ERC1: variants seen among roughly 807,000 people sequenced by gnomAD.
ERC1 encodes RAB6 interacting protein 2.
A neutral mutation model predicts 132.0 loss-of-function variants in ERC1; 56 were observed. The ratio of observed to expected loss-of-function variants is 0.42; its 90% CI spans 0.34 to 0.53. ERC1 has a LOEUF of 0.53. ERC1 is among the 20% of genes least tolerant of loss of function. The pLI is 0.03. For missense variants in ERC1, 1,202 were observed against 1,349.9 expected (o/e 0.89, Z 1.72); for synonymous variants, 478 against 476.1 (o/e 1.00, Z -0.05).
At chr12:1,420,886 C>CCAGTATTT (rs1482081012) in intron 17 of ERC1, among the ~76,000 whole-genome samples, 1 of 143,848 alleles carries the variant, frequency 7.0e-6, no homozygotes, top group African/African-American at 2.6e-5. Flanking sequence ...TTCCCCAAGC[C>CCAGTATTT]CAGTATTTTT....
intron 7 of ERC1, among the ~76,000 whole-genome samples, chr12:1,119,554 TGTGTGTGTGTGTGTGA>T (rs376357274): frequency 0.21 from 24,061 of 114,312 alleles, 2,866 homozygotes; most frequent in African/African-American, 0.24. Flanking sequence ...TGTGTGTGTG[TGTGTGTGTGTGTGTGA>T]GATGGAGTTT....
chr12:1,211,794 T>C (rs539438150), intron 12 of ERC1, among the ~76,000 whole-genome samples: 1 of 151,682 alleles, frequency 6.6e-6, no homozygotes, highest in South Asian at 2.1e-4. Context: ...GGTCTTAAAC[T>C]CCTGATCTGA....
intron 15 of ERC1, among the ~76,000 whole-genome samples, chr12:1,349,594 G>A (rs562980761): frequency 6.3e-4 from 95 of 151,136 alleles, no homozygotes; most frequent in African/African-American, 2.2e-3. Context: ...AACCCGGGAG[G>A]CAGAGGTTGC....
chr12:1,378,393 A>G (rs10848467), intron 16 of ERC1, among the ~76,000 whole-genome samples: 61,427 of 151,838 alleles, frequency 0.4, 13,630 homozygotes, highest in African/African-American at 0.59. Flanking sequence ...AAGACGTACT[A>G]ATAATCTAAT....
chr12:1,424,245 C>A lies in ERC1; in HGVS notation c.3024+15998C>A, dbSNP rs182807270. ...AATGAGTAGGCAATCTACCTTAAAT[C>A]TTTAGAGAAAAAACTAATGATTGAA... On this transcript the variant is annotated intron_variant, in intron 17 of 18. Coordinates refer to ENST00000360905, the MANE Select transcript of ERC1 (RefSeq NM_178040.4). 1.1e-4 allele frequency among the ~76,000 whole-genome samples: 17 copies of A among 152,158 alleles called. 1 individual carries two copies. Among genetic ancestry groups the A allele is most frequent in the Non-Finnish European group, 2.4e-4 (16 of 67,994 alleles).
intron 8 of ERC1, among the ~76,000 whole-genome samples, chr12:1,142,089 T>A (rs180895460): frequency 3.3e-5 from 5 of 152,332 alleles, no homozygotes; most frequent in African/African-American, 1.2e-4. Context: ...CTGTCTTTTA[T>A]TGAAACTGTA....
intron 15 of ERC1, among the ~76,000 whole-genome samples, chr12:1,318,368 C>A (rs2081907183): frequency 1.3e-5 from 2 of 152,132 alleles, no homozygotes; most frequent in Non-Finnish European, 2.9e-5. Context: ...AAAGCTCATA[C>A]AAAATTTTGT....
chr12:1,101,330 A>G (rs1043156324), intron 3 of ERC1, among the ~76,000 whole-genome samples: 7 of 152,062 alleles, frequency 4.6e-5, no homozygotes, highest in African/African-American at 1.7e-4. Flanking sequence ...AATCAATCAC[A>G]CTTCTATATT....
chr12:1,051,545 A>ACC (rs1346937834), intron 2 of ERC1, among the ~76,000 whole-genome samples: 1 of 124,670 alleles, frequency 8.0e-6, no homozygotes, highest in Non-Finnish European at 1.7e-5. Flanking sequence ...AAAAAAAAAA[A>ACC]AAAAAAAAAG....
At chr12:1,424,793 T>TGATA (rs139054161) in intron 17 of ERC1, among the ~76,000 whole-genome samples, 2,873 of 110,170 alleles carry the variant, frequency 0.026, 121 homozygotes, top group Non-Finnish European at 0.032. Context: ...GAGCTTGAGA[T>TGATA]GATAGATAGA....
chr12:1,376,988 T>G (rs2088009820), intron 16 of ERC1, among the ~76,000 whole-genome samples: 1 of 152,178 alleles, frequency 6.6e-6, no homozygotes, highest in Non-Finnish European at 1.5e-5. Context: ...ATCCCGTTGG[T>G]CTTGAGAATG....
At chr12:1,448,654 T>A (rs778673486) in intron 18 of ERC1, among the ~76,000 whole-genome samples, 1 of 152,198 alleles carries the variant, frequency 6.6e-6, no homozygotes, top group Non-Finnish European at 1.5e-5. Flanking sequence ...TCACCTCATA[T>A]CTCCAATGCA....
intron 8 of ERC1, among the ~76,000 whole-genome samples, chr12:1,177,813 TA>T (rs1371867853): frequency 6.6e-6 from 1 of 152,288 alleles, no homozygotes; most frequent in South Asian, 2.1e-4. Flanking sequence ...CTTCAGTTAG[TA>T]AAAAACCCGT....
At chr12:1,143,697 A>G (rs1950075151) in intron 8 of ERC1, among the ~76,000 whole-genome samples, 1 of 151,128 alleles carries the variant, frequency 6.6e-6, no homozygotes, top group African/African-American at 2.4e-5. Flanking sequence ...TAAAATTTGT[A>G]GTTATTAATT....
chr12:1,135,104 C>G (rs1949127757), intron 7 of ERC1, among the ~76,000 whole-genome samples: 1 of 152,074 alleles, frequency 6.6e-6, no homozygotes, highest in African/African-American at 2.4e-5. Flanking sequence ...AGGGAACATT[C>G]AGAACATTTG....
chr12:1,390,088 G>T (rs1328697933), intron 16 of ERC1, among the ~76,000 whole-genome samples: 1 of 152,092 alleles, frequency 6.6e-6, no homozygotes, highest in East Asian at 1.9e-4. Flanking sequence ...GTATATTTGG[G>T]TGGTAAATTA....
At chr12:1,001,798 T>C (rs1962347121) in intron 1 of ERC1, among the ~76,000 whole-genome samples, 1 of 152,066 alleles carries the variant, frequency 6.6e-6, no homozygotes, top group South Asian at 2.1e-4. Context: ...ATATTTAGGT[T>C]GTTTCTAGTT....
intron 15 of ERC1, among the ~76,000 whole-genome samples, chr12:1,328,770 C>T (rs1407882031): frequency 1.3e-5 from 2 of 151,706 alleles, no homozygotes; most frequent in Non-Finnish European, 2.9e-5. Flanking sequence ...ATTGCTTTGT[C>T]TTTTTTTTCT....
intron 7 of ERC1, among the ~76,000 whole-genome samples, chr12:1,123,365 A>G (rs1465444944): frequency 2.6e-5 from 4 of 152,154 alleles, no homozygotes; most frequent in African/African-American, 9.7e-5. Context: ...GAAGGCTGAG[A>G]TAAGTACAAA....
Sources: allele counts gnomAD v4.1 joint callset (sites outside exome capture counted in the v4.1 genomes callset), GRCh38; gene constraint gnomAD v4.1.1; transcripts MANE v1.5; gene names NCBI Gene and HGNC (gene_info 2026-07-23, HGNC 2026-07-21).